The following KCNIP3 variants were observed in gnomAD, a reference collection of about 807,000 sequenced individuals.
KCNIP3 encodes potassium voltage-gated channel interacting protein 3, also known as calsenilin.
A neutral mutation model predicts 35.0 loss-of-function variants in KCNIP3; 28 were observed. That is an observed-to-expected ratio of 0.80 (90% confidence interval 0.59 to 1.10). The LOEUF (loss-of-function observed/expected upper bound fraction) is 1.10. Ranked by LOEUF, KCNIP3 falls within the 50% of genes least tolerant of loss-of-function variation. The pLI is 0.00. For missense variants in KCNIP3, 295 were observed against 338.4 expected, an observed-to-expected ratio of 0.87 and a Z score of 1.01; for synonymous variants, 134 against 133.8, an observed-to-expected ratio of 1.00 and a Z score of -0.01.
chr2:95,363,133 C>G (rs940619404), intron 2 of KCNIP3, among the ~76,000 whole-genome samples: 12 of 152,182 alleles, frequency 7.9e-5, no homozygotes. Flanking sequence ...TTGATGTAAT[C>G]AGATTCATCC....
At chr2:95,319,311 T>G (rs1678533593) in intron 2 of KCNIP3, among the ~76,000 whole-genome samples, 1 of 152,108 alleles carries the variant, frequency 6.6e-6, no homozygotes, top group Non-Finnish European at 1.5e-5. Context: ...GAGCCCAGGG[T>G]TCCTGGGCCT....
chr2:95,334,616 C>T (rs1458779549), intron 2 of KCNIP3, among the ~76,000 whole-genome samples: 1 of 152,208 alleles, frequency 6.6e-6, no homozygotes, highest in African/African-American at 2.4e-5. Flanking sequence ...CTACAGCTGG[C>T]CTTACCCAGT....
At chr2:95,325,803 ATACACT>A (rs1289448369) in intron 2 of KCNIP3, among the ~76,000 whole-genome samples, 32 of 151,256 alleles carry the variant, frequency 2.1e-4, no homozygotes, top group Non-Finnish European at 4.4e-5. Context: ...TCATACACAC[ATACACT>A]CATACACACA....
chr2:95,375,168 A>G lies in KCNIP3; in HGVS notation c.407A>G (p.Asn136Ser). The change falls in exon 5 of 9, where the codon AAC becomes AGC. Residue 136 changes from asparagine (N) to serine (S), a missense_variant. Coordinates refer to ENST00000295225, the MANE Select transcript of KCNIP3 (RefSeq NM_013434.5). ...DATTYAHFLF[N>S]AFDADGNGAI... ...ACCACCTATGCACACTTCCTCTTCAACGCCTTTGATGCGGACGGGAACGGG... is the reference window on the plus strand; with the variant it reads ...ACCACCTATGCACACTTCCTCTTCAGCGCCTTTGATGCGGACGGGAACGGG... The G allele has an allele frequency of 4.3e-6, 7 of 1,614,044 alleles. No homozygotes were observed. Among genetic ancestry groups the G allele is most frequent in the Non-Finnish European group, 5.1e-6 (6 of 1,179,994 alleles).
chr2:95,358,585 T>C (rs893932923), intron 2 of KCNIP3, among the ~76,000 whole-genome samples: 1 of 152,204 alleles, frequency 6.6e-6, no homozygotes, highest in African/African-American at 2.4e-5. Flanking sequence ...ACAGAATGGG[T>C]AATTCTATTG....
At chr2:95,315,777 CG>C (rs1477337539) in intron 2 of KCNIP3, among the ~76,000 whole-genome samples, 2 of 141,688 alleles carry the variant, frequency 1.4e-5, no homozygotes, top group Admixed American at 1.4e-4. Flanking sequence ...CCGTAGGGGG[CG>C]GGTGGGCTGT....
In KCNIP3 at chr2:95,378,885, T is replaced by TATACACACACACACATATATATACAC. The variant is rs1680269572; in HGVS notation, c.448-2710_448-2709insTACACACACACACATATATATACACA. 6.6e-6 allele frequency among the ~76,000 whole-genome samples: 1 copy of TATACACACACACACATATATATACAC among 150,502 alleles called. No individual in the cohort carries two copies. Among genetic ancestry groups the TATACACACACACACATATATATACAC allele is most frequent in the African/African-American group, 2.5e-5 (1 of 40,670 alleles). ...ATATATACACACACACACATATATA[T>TATACACACACACACATATATATACAC]ACACACACACACATATATATATATA... On this transcript the variant is annotated intron_variant, in intron 5 of 8. Coordinates refer to ENST00000295225, the MANE Select transcript of KCNIP3 (RefSeq NM_013434.5). This position sits in a 1 kb window ranked among gnomAD's most constrained non-coding sequence, Gnocchi z 4.0.
intron 2 of KCNIP3, among the ~76,000 whole-genome samples, chr2:95,364,591 G>C (rs866734059): frequency 6.6e-6 from 1 of 152,104 alleles, no homozygotes; most frequent in Admixed American, 6.6e-5. Context: ...CCATGCTCAT[G>C]GTAATGAGTG....
chr2:95,383,947 G>A, intron 8 of KCNIP3, 55 bp from the exon 9 acceptor site: 1 of 1,506,470 alleles, frequency 6.6e-7, no homozygotes, highest in Non-Finnish European at 9.2e-7. Flanking sequence ...GCTCAAGGGG[G>A]TCGGATTTGG....
intron 2 of KCNIP3, 73 bp downstream of exon 2, chr2:95,310,593 G>T (rs1678287323): frequency 4.5e-6 from 7 of 1,568,726 alleles, no homozygotes; most frequent in Non-Finnish European, 6.1e-6. Flanking sequence ...CTTTCTGAGG[G>T]CTCAAAGGCC....
At chr2:95,332,574 A>G (rs1678959158) in intron 2 of KCNIP3, among the ~76,000 whole-genome samples, 1 of 152,258 alleles carries the variant, frequency 6.6e-6, no homozygotes, top group East Asian at 1.9e-4. Context: ...CCTTAATATT[A>G]AAGAGAACAA....
chr2:95,380,501 C>CA (rs1039646907), intron 5 of KCNIP3, among the ~76,000 whole-genome samples: 1 of 152,206 alleles, frequency 6.6e-6, no homozygotes, highest in Non-Finnish European at 1.5e-5. Flanking sequence ...CCCTTTCTTT[C>CA]AGAGTAGCCT....
intron 1 of KCNIP3, among the ~76,000 whole-genome samples, chr2:95,301,594 T>G (rs1229458251): frequency 2.0e-5 from 3 of 152,246 alleles, no homozygotes; most frequent in Non-Finnish European, 4.4e-5. Context: ...CAGCTTGGCC[T>G]GGCCCCTGGC....
rs1442242855 is a variant in KCNIP3 at position 95,333,436 on chromosome 2, A to C, written c.181+22916A>C. Among the ~76,000 whole-genome samples, 4 of 152,216 alleles carry C rather than the reference A, an allele frequency of 2.6e-5. 1 individual carries two copies. In the East Asian group the frequency reaches 7.7e-4, roughly 29 times the overall value. On this transcript the variant is annotated intron_variant, in intron 2 of 8. Coordinates refer to ENST00000295225, the MANE Select transcript of KCNIP3 (RefSeq NM_013434.5). ...CATTCTACCACTACTGCTGCGGGAAACAGACTGCCCTGGACCCTGACTCCT... is the reference window on the plus strand; with the variant it reads ...CATTCTACCACTACTGCTGCGGGAACCAGACTGCCCTGGACCCTGACTCCT...
At chr2:95,351,114 G>T (rs1255236917) in intron 2 of KCNIP3, among the ~76,000 whole-genome samples, 1 of 152,248 alleles carries the variant, frequency 6.6e-6, no homozygotes, top group Non-Finnish European at 1.5e-5. Context: ...GTCTGGGCTT[G>T]GGCCCAGCGG....
intron 2 of KCNIP3, among the ~76,000 whole-genome samples, chr2:95,368,356 A>G (rs887242295): frequency 6.6e-6 from 1 of 152,096 alleles, no homozygotes; most frequent in African/African-American, 2.4e-5. Flanking sequence ...AGAATGACAC[A>G]ATGGACTTTG....
intron 2 of KCNIP3, among the ~76,000 whole-genome samples, chr2:95,324,356 CCA>C (rs1678671379): frequency 6.7e-6 from 1 of 149,280 alleles, no homozygotes. Flanking sequence ...CTAAAAAATA[CCA>C]AAAAAATTAG....
intron 2 of KCNIP3, among the ~76,000 whole-genome samples, chr2:95,358,978 C>T (rs549454148): frequency 6.6e-6 from 1 of 152,010 alleles, no homozygotes; most frequent in Admixed American, 6.5e-5. Flanking sequence ...AAAAACCAAA[C>T]AAATTTTTTT....
At chr2:95,324,106 G>A (rs1261440749) in intron 2 of KCNIP3, among the ~76,000 whole-genome samples, 1 of 152,246 alleles carries the variant, frequency 6.6e-6, no homozygotes, top group African/African-American at 2.4e-5. Context: ...GGGCCTCTGT[G>A]GGGAATGAGG....
Sources: gnomAD v4.1 joint callset for allele counts (sites outside exome capture counted in the v4.1 genomes callset) on GRCh38, gnomAD v4.1.1 for gene constraint, Gnocchi (gnomAD v3.1) non-coding constraint, MANE v1.5 for transcripts, NCBI Gene and HGNC (gene_info 2026-07-23, HGNC 2026-07-21) for gene names.